The following CXCR6 variants were observed in gnomAD, a reference collection of about 807,000 sequenced individuals.
CXCR6 encodes the protein C-X-C chemokine receptor type 6.
CXCR6 carries 3 observed loss-of-function variants against 1.6 expected under a neutral mutation model. That is an observed-to-expected ratio of 1.83 (90% confidence interval 0.83 to 4.72). The LOEUF (loss-of-function observed/expected upper bound fraction) is 4.72, where lower values mean the gene tolerates loss of function less well. Ranked by LOEUF, CXCR6 falls within the 30% of genes most tolerant of loss-of-function variation. CXCR6 has a pLI of 0.02. For synonymous variants in CXCR6, 171 were observed against 159.2 expected (o/e 1.07, Z -0.56); for missense variants, 326 against 414.8 (o/e 0.79, Z 1.86).
chr3:45,947,703 G>A lies in CXCR6; in HGVS notation c.*193G>A, dbSNP rs1704721903. The A allele has an allele frequency of 2.6e-5, 15 of 580,102 alleles. 1 individual carries two copies. The South Asian group carries it at 3.8e-4, about 15-fold the overall frequency. The allele number at this position is 580,102 out of a possible 1,614,324, so 35.9% of individuals were successfully genotyped here. ...CTCTTCTTGAACACTCATGCTGAAA[G>A]CCCAAGTAGGGGGTCTAAAATTTTT... On this transcript the variant is annotated 3_prime_UTR_variant, in exon 2 of 2. Coordinates refer to ENST00000304552, the MANE Select transcript of CXCR6 (RefSeq NM_006564.2).
At position 45,946,890 on chromosome 3, in the gene CXCR6, G is replaced by T; in HGVS notation, c.409G>T (p.Ala137Ser). ...CATTGTAGTGGTTAAGGCCACCAAG[G>T]CCTACAACCAGCAAGCCAAGAGGAT... ...RFIVVVKATK[A>S]YNQQAKRMTW... The change falls in exon 2 of 2, where the codon GCC becomes TCC. Residue 137 changes from alanine (A) to serine (S), a missense_variant. Coordinates refer to ENST00000304552, the MANE Select transcript of CXCR6 (RefSeq NM_006564.2). The T allele has an allele frequency of 1.9e-6, 3 of 1,614,218 alleles. No homozygotes were observed. The highest frequency in any genetic ancestry group is 1.7e-6 in the Non-Finnish European group (2 of 1,180,040).
rs1559450185 is a variant in CXCR6, at chr3:45,947,716, G to C, written c.*206G>C. The C allele has an allele frequency of 1.8e-6, 1 of 563,102 alleles. No homozygotes were observed. The highest frequency in any genetic ancestry group is 1.9e-5 in the African/African-American group (1 of 53,140). 34.9% of individuals were successfully genotyped at this position (563,102 alleles called of 1,614,324 possible). A position where few individuals can be genotyped will look rare whatever the true frequency, so the allele number is the denominator to read the frequency against. ...CTCATGCTGAAAGCCCAAGTAGGGGGTCTAAAATTTTTAAGGACTTTCCTT... is the reference window on the plus strand; with the variant it reads ...CTCATGCTGAAAGCCCAAGTAGGGGCTCTAAAATTTTTAAGGACTTTCCTT... On this transcript the variant is annotated 3_prime_UTR_variant, in exon 2 of 2. Coordinates refer to ENST00000304552, the MANE Select transcript of CXCR6 (RefSeq NM_006564.2).
At chr3:45,941,052 C>G (rs1003500236), upstream of CXCR6, 14 of 152,218 alleles carry the variant, frequency 9.2e-5, no homozygotes, top group African/African-American at 3.4e-4. Flanking sequence ...CTCAGCTCAT[C>G]CTGGTGACTT....
In CXCR6 at chr3:45,946,693, T is replaced by G. The variant is rs1404803198; in HGVS notation, c.212T>G (p.Val71Gly). 6.2e-7 allele frequency: 1 copy of G among 1,614,256 alleles called. No individual in the cohort carries two copies. The highest frequency in any genetic ancestry group is 8.5e-7 in the Non-Finnish European group (1 of 1,180,044). ...CAGAGCCTGACGGATGTGTTCCTGG[T>G]GAACCTACCCCTGGCTGACCTGGTG... ...KLQSLTDVFL[V>G]NLPLADLVFV... Residue 71 changes from valine to glycine, a missense_variant, in exon 2 of 2, where the codon GTG (valine) becomes GGG (glycine). By Grantham distance (109) the Val-to-Gly change is moderately radical (BLOSUM62 -3). Transcript: ENST00000304552.
At chr3:45,942,785 A>G (rs1206273136), upstream of CXCR6, among the ~76,000 whole-genome samples, 1 of 152,174 alleles carries the variant, frequency 6.6e-6, no homozygotes, top group Non-Finnish European at 1.5e-5. Flanking sequence ...GCCCAAGGAA[A>G]CCAGATGATT....
intron 1 of CXCR6, chr3:45,944,916 T>A (rs547458873): frequency 6.6e-6 from 1 of 152,364 alleles, no homozygotes; most frequent in East Asian, 1.9e-4. Flanking sequence ...ACACATCATC[T>A]GACCTACTTA....
Position 45,946,624 on chromosome 3 carries a change from G to A in CXCR6, c.143G>A (p.Gly48Glu). ...YLVVFVCGLV[G>E]NSLVLVISIF... ...GTGGTGTTTGTCTGTGGTCTGGTGG[G>A]GAACTCTCTGGTGCTGGTCATATCC... The change falls in exon 2 of 2, where the codon GGG becomes GAG. Residue 48 changes from glycine (G) to glutamate (E), a missense_variant. By Grantham distance (98) the Gly-to-Glu change is moderately conservative (BLOSUM62 -2). Coordinates refer to ENST00000304552, the MANE Select transcript of CXCR6 (RefSeq NM_006564.2). 1 of 1,614,162 alleles carries A rather than the reference G, an allele frequency of 6.2e-7. No homozygotes were observed. Among genetic ancestry groups the A allele is most frequent in the Non-Finnish European group, 8.5e-7 (1 of 1,180,024 alleles).
chr3:45,944,976 C>G (rs902880331), intron 1 of CXCR6: 7 of 152,180 alleles, frequency 4.6e-5, no homozygotes, highest in Non-Finnish European at 8.8e-5. Flanking sequence ...ACTGGCTGAC[C>G]TATCACCCTT....
At chr3:45,943,730 T>A (rs369064798) in intron 1 of CXCR6, among the ~76,000 whole-genome samples, 190 bp downstream of exon 1, 3 of 152,174 alleles carry the variant, frequency 2.0e-5, no homozygotes, top group Non-Finnish European at 2.9e-5. Flanking sequence ...TGGAGAAACA[T>A]GAAAACTACT....
upstream of CXCR6, among the ~76,000 whole-genome samples, chr3:45,943,087 T>A (rs1704334538): frequency 6.6e-6 from 1 of 152,148 alleles, no homozygotes; most frequent in South Asian, 2.1e-4. Context: ...TGGAGCTGCA[T>A]ATGCACGCAG....
Position 45,946,697 on chromosome 3 carries a change from C to T in CXCR6, c.216C>T (p.Asn72=). ...GCCTGACGGATGTGTTCCTGGTGAA[C>T]CTACCCCTGGCTGACCTGGTGTTTG... The part of the protein sequence containing the change: ...LQSLTDVFLV[N]LPLADLVFVC... Residue 72 remains asparagine, a synonymous_variant, in exon 2 of 2, where the codon AAC becomes AAT. Coordinates refer to ENST00000304552, the MANE Select transcript of CXCR6 (RefSeq NM_006564.2). 1 of 1,614,210 alleles carries T rather than the reference C, an allele frequency of 6.2e-7. No individual in the cohort carries two copies. The highest frequency in any genetic ancestry group is 8.5e-7 in the Non-Finnish European group (1 of 1,180,030).
At chr3:45,942,173 C>T (rs989647297), upstream of CXCR6, among the ~76,000 whole-genome samples, 3 of 152,242 alleles carry the variant, frequency 2.0e-5, no homozygotes, top group African/African-American at 4.8e-5. Context: ...CCCCCTGGCA[C>T]AGCTCCATAC....
chr3:45,944,559 AT>A (rs1258807879), intron 1 of CXCR6, among the ~76,000 whole-genome samples: 1 of 152,168 alleles, frequency 6.6e-6, no homozygotes, highest in Admixed American at 6.6e-5. Context: ...ACAAAATAGG[AT>A]TTTAATTATA....
chr3:45,941,257 C>T (rs1047115165), upstream of CXCR6: 15 of 152,194 alleles, frequency 9.9e-5, no homozygotes, highest in African/African-American at 3.6e-4. Context: ...ATGTCTCATC[C>T]CTGAATCCTG....
rs568034727 is a variant in CXCR6, at chr3:45,946,582, T to C, written c.101T>C (p.Leu34Pro). The change falls in exon 2 of 2, where the codon CTG becomes CCG. Residue 34 changes from leucine to proline, a missense_variant. Physicochemically the swap from Leu to Pro is moderately conservative, Grantham distance 98. Coordinates refer to ENST00000304552, the MANE Select transcript of CXCR6 (RefSeq NM_006564.2). ...QDFLQFSKVF[L>P]PCMYLVVFVC... ...TTCCTGCAGTTCAGCAAGGTCTTTCTGCCCTGCATGTACCTGGTGGTGTTT... is the reference window on the plus strand; with the variant it reads ...TTCCTGCAGTTCAGCAAGGTCTTTCCGCCCTGCATGTACCTGGTGGTGTTT... The C allele has an allele frequency of 3.8e-5, 61 of 1,614,138 alleles. No individual in the cohort carries two copies. Among genetic ancestry groups the C allele is most frequent in the Non-Finnish European group, 4.8e-5 (57 of 1,180,054 alleles).
upstream of CXCR6, among the ~76,000 whole-genome samples, chr3:45,941,975 C>T (rs1275836888): frequency 2.0e-5 from 3 of 152,228 alleles, no homozygotes; most frequent in Non-Finnish European, 4.4e-5. Flanking sequence ...CAGTCTGTTC[C>T]TTTATTCATT....
At position 45,947,716 on chromosome 3, in the gene CXCR6, G is replaced by A. The variant is rs1559450185; in HGVS notation, c.*206G>A. ...CTCATGCTGAAAGCCCAAGTAGGGG[G>A]TCTAAAATTTTTAAGGACTTTCCTT... On this transcript the variant is annotated 3_prime_UTR_variant, in exon 2 of 2. Coordinates refer to ENST00000304552, the MANE Select transcript of CXCR6 (RefSeq NM_006564.2). The A allele has an allele frequency of 1.4e-5, 8 of 563,220 alleles. No individual in the cohort carries two copies. The South Asian group carries it at 2.2e-4, about 15-fold the overall frequency. 34.9% of individuals were successfully genotyped at this position (563,220 alleles called of 1,614,324 possible).
intron 1 of CXCR6, chr3:45,946,191 T>C (rs1002950390): frequency 6.0e-6 from 2 of 335,198 alleles, no homozygotes; most frequent in Non-Finnish European, 1.1e-5. Flanking sequence ...CAGGATTTTA[T>C]GGAATGTGCT....
intron 1 of CXCR6, among the ~76,000 whole-genome samples, 190 bp downstream of exon 1, chr3:45,943,730 T>C (rs369064798): frequency 6.6e-6 from 1 of 152,174 alleles, no homozygotes; most frequent in East Asian, 1.9e-4. Flanking sequence ...TGGAGAAACA[T>C]GAAAACTACT....
Sources: gnomAD v4.1 joint callset for allele counts (sites outside exome capture counted in the v4.1 genomes callset) on GRCh38, gnomAD v4.1.1 for gene constraint, MANE v1.5 for transcripts, NCBI Gene and HGNC (gene_info 2026-07-23, HGNC 2026-07-21) for gene names.